Variants in PPAT observed in about 807,000 individuals in gnomAD.
The protein encoded by PPAT is amidophosphoribosyltransferase.
In PPAT, 20 loss-of-function variants were observed where a neutral mutation model predicts 60.2. The observed-to-expected ratio is 0.33, with a 90% CI of 0.23 to 0.48. The LOEUF is 0.48. Among genes scored for constraint, PPAT ranks in the 20% least tolerant of loss-of-function variants. PPAT has a pLI of 0.99. For missense variants in PPAT, 349 were observed against 629.6 expected (o/e 0.55, Z 4.77); for synonymous variants, 194 against 215.1 (o/e 0.90, Z 0.86).
rs1560638503 is a variant in PPAT, at chr4:56,403,193, TAATTA to T, written c.516-13_516-9del. 6.3e-6 allele frequency: 10 copies of T among 1,582,748 alleles called. No individual in the cohort carries two copies. The highest frequency in any genetic ancestry group is 1.4e-5 in the African/African-American group (1 of 71,210). On this transcript the variant is annotated splice_polypyrimidine_tract_variant and intron_variant, in intron 4 of 10. Coordinates refer to ENST00000264220, the MANE Select transcript of PPAT (RefSeq NM_002703.5). ...TTCATCAAGTTTTTAATCCTGGAAT[TAATTA>T]AATAATTGAATGAATAACTTCAGTT...
intron 1 of PPAT, among the ~76,000 whole-genome samples, chr4:56,414,650 G>A (rs752902669): frequency 1.3e-5 from 2 of 152,186 alleles, no homozygotes; most frequent in African/African-American, 2.4e-5. Flanking sequence ...GTTGGAGAGA[G>A]AGCTTTTCTG....
chr4:56,397,046 G>C (rs922526857), intron 9 of PPAT, among the ~76,000 whole-genome samples: 2 of 151,944 alleles, frequency 1.3e-5, no homozygotes, highest in African/African-American at 4.8e-5. Context: ...CAATTTACCA[G>C]GTTATAACAA....
chr4:56,425,372 G>C, intron 1 of PPAT: 1 of 735,154 alleles, frequency 1.4e-6, no homozygotes, highest in Non-Finnish European at 1.7e-6. Context: ...TAATCCAATA[G>C]TACATCCAGA....
intron 1 of PPAT, among the ~76,000 whole-genome samples, chr4:56,434,988 C>T (rs1002216948): frequency 2.0e-5 from 3 of 152,228 alleles, no homozygotes; most frequent in Non-Finnish European, 4.4e-5. Context: ...CAGCCACAGG[C>T]TCCGGGAGAC....
In PPAT at chr4:56,400,850, C is replaced by G; in HGVS notation, c.948G>C (p.Val316=). ...GAACAGTGCTAACCAAATCTGCATCCACAGGTGCTTCAATCGCTAGCTGCT... is the reference window on the plus strand; with the variant it reads ...GAACAGTGCTAACCAAATCTGCATCGACAGGTGCTTCAATCGCTAGCTGCT... ...CGQQLAIEAP[V]DADLVSTVPE... is the part of the protein sequence containing the mutation. The change falls in exon 8 of 11, where the codon GTG becomes GTC. Residue 316 remains valine, a synonymous_variant. Transcript: ENST00000264220. 6.2e-7 allele frequency: 1 copy of G among 1,613,656 alleles called. No homozygotes were observed. Among genetic ancestry groups the G allele is most frequent in the Non-Finnish European group, 8.5e-7 (1 of 1,179,612 alleles).
intron 1 of PPAT, among the ~76,000 whole-genome samples, chr4:56,432,847 G>GA (rs1186746681): frequency 8.7e-5 from 13 of 149,948 alleles, no homozygotes; most frequent in Non-Finnish European, 1.3e-4. Context: ...CATCAAAAAG[G>GA]AAAAAAACAC....
chr4:56,407,810 G>T, intron 1 of PPAT, 94 bp from the exon 2 acceptor site: 2 of 965,930 alleles, frequency 2.1e-6, no homozygotes, highest in East Asian at 2.4e-5. Flanking sequence ...AAGCATCCAT[G>T]AACTTAGTGT....
intron 1 of PPAT, chr4:56,414,105 T>C (rs1455995308): frequency 1.3e-5 from 2 of 152,204 alleles, no homozygotes; most frequent in African/African-American, 4.8e-5. Context: ...ATGATTTATT[T>C]GATCTGCAGA....
At chr4:56,417,831 T>C (rs1013469043) in intron 1 of PPAT, among the ~76,000 whole-genome samples, 1 of 116,648 alleles carries the variant, frequency 8.6e-6, no homozygotes, top group East Asian at 2.4e-4. Flanking sequence ...AATTTGAAGA[T>C]TTGGTTTTTT....
At chr4:56,429,271 G>A (rs771621266) in intron 1 of PPAT, among the ~76,000 whole-genome samples, 6 of 152,106 alleles carry the variant, frequency 3.9e-5, no homozygotes, top group Non-Finnish European at 7.4e-5. Context: ...AAACTTGCCC[G>A]GAGTTAGGTA....
At chr4:56,432,317 C>T (rs1717626835) in intron 1 of PPAT, among the ~76,000 whole-genome samples, 1 of 152,014 alleles carries the variant, frequency 6.6e-6, no homozygotes, top group South Asian at 2.1e-4. Context: ...CACTTGAGGC[C>T]AGGAGTTCAA....
At chr4:56,398,248 T>C (rs1578112975) in intron 9 of PPAT, among the ~76,000 whole-genome samples, 1 of 151,984 alleles carries the variant, frequency 6.6e-6, no homozygotes, top group Non-Finnish European at 1.5e-5. Context: ...CACATGCCTA[T>C]AGTTGCAGCT....
rs564433619 is a variant in PPAT, at chr4:56,427,903, C to A, written c.128+7447G>T. On this transcript the variant is annotated intron_variant, in intron 1 of 10. Transcript: ENST00000264220. The stretch of plus-strand genomic sequence containing the variant: ...GTATTACCTAAAATGCTTCCTTATA[C>A]CTGAGTTGGTAGAGAATACAGTAGA... Among the ~76,000 whole-genome samples the A allele has an allele frequency of 5.3e-5, 8 of 152,202 alleles. No homozygotes were observed. In the South Asian group the frequency reaches 1.7e-3, roughly 32 times the overall value.
intron 1 of PPAT, among the ~76,000 whole-genome samples, chr4:56,409,998 T>C (rs893749433): frequency 6.6e-6 from 1 of 152,068 alleles, no homozygotes; most frequent in African/African-American, 2.4e-5. Flanking sequence ...ATACTGAAAA[T>C]AGATATGCAT....
chr4:56,417,605 A>AC (rs1337466265), intron 1 of PPAT, among the ~76,000 whole-genome samples: 3 of 152,046 alleles, frequency 2.0e-5, no homozygotes, highest in Non-Finnish European at 4.4e-5. Flanking sequence ...ACACAGTGAG[A>AC]CCCCATGCCT....
chr4:56,406,705 G>A lies in PPAT; in HGVS notation c.196-4C>T. The A allele has an allele frequency of 1.9e-6, 3 of 1,600,262 alleles. No homozygotes were observed. The highest frequency in any genetic ancestry group is 2.6e-6 in the Non-Finnish European group (3 of 1,168,858). On this transcript the variant is annotated splice_polypyrimidine_tract_variant and splice_region_variant and intron_variant, in intron 2 of 10. Coordinates refer to ENST00000264220, the MANE Select transcript of PPAT (RefSeq NM_002703.5). ...CGTGATTTACAAGACCCATTCCCTT[G>A]AGAAATCAAAAAGTGCAACTTAGAA...
chr4:56,412,718 T>C (rs1037748780), intron 1 of PPAT, among the ~76,000 whole-genome samples: 1 of 152,206 alleles, frequency 6.6e-6, no homozygotes, highest in Non-Finnish European at 1.5e-5. Context: ...TCTGCTGACA[T>C]ACTGCATAAA....
At chr4:56,412,163 A>T (rs909206255) in intron 1 of PPAT, among the ~76,000 whole-genome samples, 1 of 152,118 alleles carries the variant, frequency 6.6e-6, no homozygotes, top group African/African-American at 2.4e-5. Context: ...TCTTAAAGGG[A>T]TCTTCAGCGC....
At position 56,417,841 on chromosome 4, in the gene PPAT, TG is replaced by T. The variant is rs1267182016; in HGVS notation, c.129-10126del. 4.4e-3 allele frequency among the ~76,000 whole-genome samples: 423 copies of T among 96,450 alleles called. 1 individual carries two copies. Among genetic ancestry groups the T allele is most frequent in the Admixed American group, 8.4e-3 (55 of 6,530 alleles). The allele number at this position is 96,450 out of a possible 152,430, so 63.3% of individuals were successfully genotyped here. ...GGTATAATTTGAAGATTTGGTTTTT[TG>T]TTTTTTTTTTTTTTTTTGAGACAGA... is the stretch of plus-strand genomic sequence containing the variant. On this transcript the variant is annotated intron_variant, in intron 1 of 10. Transcript: ENST00000264220.
Sources: gnomAD v4.1 joint callset for allele counts (sites outside exome capture counted in the v4.1 genomes callset) on GRCh38, gnomAD v4.1.1 for gene constraint, MANE v1.5 for transcripts, NCBI Gene and HGNC (gene_info 2026-07-23, HGNC 2026-07-21) for gene names.